Variants in RPTOR observed in about 807,000 individuals in gnomAD.
The protein encoded by RPTOR is regulatory associated protein of MTOR complex 1.
A neutral mutation model predicts 169.9 loss-of-function variants in RPTOR; 21 were observed. The ratio of observed to expected loss-of-function variants is 0.12; its 90% CI spans 0.09 to 0.18. RPTOR has a LOEUF of 0.18. RPTOR is among the 10% of genes least tolerant of loss of function. RPTOR has a pLI of 1.00. For missense variants in RPTOR, 1,133 were observed against 1,855.9 expected, an observed-to-expected ratio of 0.61 and a Z score of 7.16; for synonymous variants, 732 against 753.2, an observed-to-expected ratio of 0.97 and a Z score of 0.46.
intron 2 of RPTOR, 34 bp from the exon 3 acceptor site, chr17:80,643,694 G>A (rs773156333): frequency 5.8e-6 from 9 of 1,546,878 alleles, no homozygotes; most frequent in Admixed American, 1.7e-5. Context: ...AAATGCAGAC[G>A]TAAAGAACTT....
intron 1 of RPTOR, among the ~76,000 whole-genome samples, chr17:80,582,572 G>A (rs578146136): frequency 1.5e-4 from 18 of 123,984 alleles, no homozygotes; most frequent in African/African-American, 4.3e-4. Context: ...TTGAGACAGC[G>A]TCTTGCTCTG....
In RPTOR at chr17:80,844,976, G is replaced by GTT. The variant is rs35113597; in HGVS notation, c.1213-1485_1213-1484dup. On this transcript the variant is annotated intron_variant, in intron 10 of 33. Coordinates refer to ENST00000306801, the MANE Select transcript of RPTOR (RefSeq NM_020761.3). This position sits in a 1 kb window ranked among gnomAD's most constrained non-coding sequence, Gnocchi z 4.7. Reference sequence around the variant, plus strand: ...GGATGGGAGAGAGAGGCTGGTAGTTGTTTTTTTTTTTTTCTTTAATTCTTT... The same window carrying GTT: ...GGATGGGAGAGAGAGGCTGGTAGTTGTTTTTTTTTTTTTTTCTTTAATTCTTT... Among the ~76,000 whole-genome samples the GTT allele has an allele frequency of 0.025, 3,625 of 145,266 alleles. 162 individuals carry two copies. The highest frequency in any genetic ancestry group is 0.086 in the African/African-American group (3,420 of 39,638).
At chr17:80,701,246 C>G (rs2066098374) in intron 3 of RPTOR, among the ~76,000 whole-genome samples, 1 of 152,154 alleles carries the variant, frequency 6.6e-6, no homozygotes, top group South Asian at 2.1e-4. Context: ...GCGGCTCCAC[C>G]TGGTTGCACT....
In RPTOR at chr17:80,861,041, A is replaced by G. The variant is rs761875824; in HGVS notation, c.1509+3141A>G. On this transcript the variant is annotated intron_variant, in intron 13 of 33. Transcript: ENST00000306801. This position sits in a 1 kb window ranked among gnomAD's most constrained non-coding sequence, Gnocchi z 4.5. ...AACGCTCCATAATGGTGACCTGAAT[A>G]CCATATATTTCAGCAAAATATTTTC... 1.4e-5 allele frequency among the ~76,000 whole-genome samples: 2 copies of G among 144,694 alleles called. No homozygotes were observed. The highest frequency in any genetic ancestry group is 3.1e-5 in the Non-Finnish European group (2 of 63,976). The allele number at this position is 144,694 out of a possible 152,430, so 94.9% of individuals were successfully genotyped here.
intron 19 of RPTOR, among the ~76,000 whole-genome samples, chr17:80,893,182 G>A (rs888052512): frequency 2.0e-5 from 3 of 152,266 alleles, no homozygotes; most frequent in Admixed American, 2.0e-4. Context: ...TGGTCTGCGG[G>A]TGGGGAGCTT....
At position 80,651,710 on chromosome 17, in the gene RPTOR, G is replaced by T. The variant is rs564655798; in HGVS notation, c.348+7900G>T. 3.9e-5 allele frequency among the ~76,000 whole-genome samples: 6 copies of T among 152,072 alleles called. No homozygotes were observed. The South Asian group carries it at 1.0e-3, about 26-fold the overall frequency. ...AGCCTGGCCAACATGGTGAAACCTT[G>T]TCTCTACTAAAAATATTTAAAAAAT... is the stretch of plus-strand genomic sequence containing the variant. On this transcript the variant is annotated intron_variant, in intron 3 of 33. Transcript: ENST00000306801. This position sits in a 1 kb window ranked among gnomAD's most constrained non-coding sequence, Gnocchi z 4.1.
rs1447268129 is a variant in RPTOR, at chr17:80,861,225, T to C, written c.1509+3325T>C. Among the ~76,000 whole-genome samples, 1 of 144,728 alleles carries C rather than the reference T, an allele frequency of 6.9e-6. No homozygotes were observed. The highest frequency in any genetic ancestry group is 2.4e-5 in the African/African-American group (1 of 40,924). 94.9% of individuals were successfully genotyped at this position (144,728 alleles called of 152,430 possible). ...GCCATGATTTGCCTCTGTAAAATCA[T>C]GAGCCTTCGGCCGTCTGCCTTCAGC... On this transcript the variant is annotated intron_variant, in intron 13 of 33. Transcript: ENST00000306801. The surrounding 1 kb of genome is among the most constrained non-coding windows in gnomAD (Gnocchi z 4.5).
At chr17:80,877,310 A>T (rs1010794321) in intron 13 of RPTOR, among the ~76,000 whole-genome samples, 2 of 152,222 alleles carry the variant, frequency 1.3e-5, no homozygotes, top group African/African-American at 4.8e-5. Context: ...TGAGTTAGTG[A>T]AAATGTGTGT....
In RPTOR at chr17:80,920,162, C is replaced by T. The variant is rs577768670; in HGVS notation, c.2521-2562C>T. 3.3e-5 allele frequency among the ~76,000 whole-genome samples: 5 copies of T among 152,344 alleles called. No homozygotes were observed. In the East Asian group the frequency reaches 7.7e-4, roughly 24 times the overall value. On this transcript the variant is annotated intron_variant, in intron 21 of 33. Coordinates refer to ENST00000306801, the MANE Select transcript of RPTOR (RefSeq NM_020761.3). ...CCCAGCCAGCTCTGCAGCTCCTGCT[C>T]GCTGCGTACCCTGTCCTCACACCGA... is the stretch of plus-strand genomic sequence containing the variant.
At chr17:80,690,738 A>G (rs971802792) in intron 3 of RPTOR, among the ~76,000 whole-genome samples, 4 of 152,006 alleles carry the variant, frequency 2.6e-5, no homozygotes, top group Admixed American at 2.6e-4. Context: ...ATTAGCAGCT[A>G]TTGATGATCA....
chr17:80,625,080 G>C (rs1003802383), intron 1 of RPTOR, among the ~76,000 whole-genome samples: 1 of 152,186 alleles, frequency 6.6e-6, no homozygotes, highest in Non-Finnish European at 1.5e-5. Context: ...TCCCAGCAGA[G>C]GGAACTGTGG....
Position 80,861,278 on chromosome 17 carries a change from G to A in RPTOR, c.1509+3378G>A, listed in dbSNP as rs553243379. On this transcript the variant is annotated intron_variant, in intron 13 of 33. Coordinates refer to ENST00000306801, the MANE Select transcript of RPTOR (RefSeq NM_020761.3). The surrounding 1 kb of genome is among the most constrained non-coding windows in gnomAD (Gnocchi z 4.5). ...CAGTTCCAGAGCTCAGAACCAGGACGTGGAAAACTGCTGTGTAAATTATAG... is the reference window on the plus strand; with the variant it reads ...CAGTTCCAGAGCTCAGAACCAGGACATGGAAAACTGCTGTGTAAATTATAG... Among the ~76,000 whole-genome samples, 4 of 144,680 alleles carry A rather than the reference G, an allele frequency of 2.8e-5. 1 individual carries two copies. The highest frequency in any genetic ancestry group is 4.5e-4 in the South Asian group (2 of 4,434). The allele number at this position is 144,680 out of a possible 152,430, so 94.9% of individuals were successfully genotyped here.
At chr17:80,890,859 G>T (rs1166521488) in intron 17 of RPTOR, among the ~76,000 whole-genome samples, 1 of 152,138 alleles carries the variant, frequency 6.6e-6, no homozygotes, top group Non-Finnish European at 1.5e-5. Flanking sequence ...AGAAGACCCT[G>T]GTCCCTGGTG....
intron 9 of RPTOR, 68 bp from the exon 10 acceptor site, chr17:80,837,854 C>T: frequency 1.4e-6 from 2 of 1,448,584 alleles, no homozygotes; most frequent in Non-Finnish European, 1.9e-6. Flanking sequence ...CCTCCTGTGC[C>T]CTGTGAAGTG....
At chr17:80,867,733 C>T (rs536309455) in intron 13 of RPTOR, among the ~76,000 whole-genome samples, 2 of 151,908 alleles carry the variant, frequency 1.3e-5, no homozygotes, top group South Asian at 2.1e-4. Flanking sequence ...ATCAACAATT[C>T]GAAGTTGAAA....
At chr17:80,745,239 C>T (rs1360584712) in intron 5 of RPTOR, among the ~76,000 whole-genome samples, 1 of 152,186 alleles carries the variant, frequency 6.6e-6, no homozygotes, top group African/African-American at 2.4e-5. Flanking sequence ...CATTTAGAAG[C>T]TGTGGGTTGC....
intron 3 of RPTOR, among the ~76,000 whole-genome samples, chr17:80,690,924 A>G (rs1332824043): frequency 6.6e-6 from 1 of 152,144 alleles, no homozygotes; most frequent in African/African-American, 2.4e-5. Flanking sequence ...ACTTCCAAGT[A>G]GCTGGGACCA....
chr17:80,647,013 G>A (rs978371132), intron 3 of RPTOR, among the ~76,000 whole-genome samples: 2 of 152,106 alleles, frequency 1.3e-5, no homozygotes, highest in African/African-American at 4.8e-5. Context: ...TGGAACGCTT[G>A]GACTTGTTCT....
chr17:80,943,917 G>A (rs1372647592), intron 25 of RPTOR, among the ~76,000 whole-genome samples: 1 of 152,194 alleles, frequency 6.6e-6, no homozygotes, highest in African/African-American at 2.4e-5. Context: ...CCTCCTGGTT[G>A]CCCAGAGGCC....
Sources: allele counts gnomAD v4.1 joint callset (sites outside exome capture counted in the v4.1 genomes callset), GRCh38; gene constraint gnomAD v4.1.1; non-coding constraint Gnocchi (gnomAD v3.1); transcripts MANE v1.5; gene names NCBI Gene and HGNC (gene_info 2026-07-23, HGNC 2026-07-21).